MAP2: variants seen among roughly 807,000 people sequenced by gnomAD.
The protein encoded by MAP2 is microtubule associated protein 2.
A neutral mutation model predicts 137.6 loss-of-function variants in MAP2; 14 were observed. The observed-to-expected ratio is 0.10, with a 90% CI of 0.07 to 0.16. The LOEUF (loss-of-function observed/expected upper bound fraction) is 0.16. Among genes scored for constraint, MAP2 ranks in the 10% least tolerant of loss-of-function variants. MAP2 has a pLI of 1.00. For synonymous variants in MAP2, 786 were observed against 782.3 expected (o/e 1.00, Z -0.08); for missense variants, 2,088 against 2,191.5 (o/e 0.95, Z 0.94).
At chr2:209,444,927 A>G (rs1487881861) in intron 1 of MAP2, among the ~76,000 whole-genome samples, 1 of 151,528 alleles carries the variant, frequency 6.6e-6, no homozygotes. Context: ...GCTTAAGTCA[A>G]GCTTTTTTGT....
At chr2:209,616,939 G>A (rs977346732) in intron 3 of MAP2, among the ~76,000 whole-genome samples, 1 of 152,166 alleles carries the variant, frequency 6.6e-6, no homozygotes, top group Non-Finnish European at 1.5e-5. Context: ...GACTAGGCGG[G>A]GGGACCCAGC....
At chr2:209,702,148 G>T (rs1490516136) in intron 11 of MAP2, among the ~76,000 whole-genome samples, 1 of 151,986 alleles carries the variant, frequency 6.6e-6, no homozygotes, top group Non-Finnish European at 1.5e-5. Flanking sequence ...TCCTCCTTTA[G>T]GTTGACATTA....
At chr2:209,425,575 A>G (rs1420588288) in intron 1 of MAP2, among the ~76,000 whole-genome samples, 2 of 152,194 alleles carry the variant, frequency 1.3e-5, no homozygotes, top group African/African-American at 4.8e-5. Context: ...TGTTAAAGGT[A>G]TAATTTATTT....
chr2:209,524,487 G>A (rs1011417853), intron 2 of MAP2, among the ~76,000 whole-genome samples: 17 of 151,652 alleles, frequency 1.1e-4, no homozygotes, highest in Admixed American at 2.6e-4. Context: ...TAGTAGCCTC[G>A]AAACATGAGA....
chr2:209,451,586 C>T (rs536060293), intron 1 of MAP2, among the ~76,000 whole-genome samples: 3 of 152,140 alleles, frequency 2.0e-5, no homozygotes, highest in Non-Finnish European at 2.9e-5. Context: ...AACATCCCTC[C>T]TTGGTTTCCG....
At chr2:209,729,810 TG>T (rs751314342) in intron 14 of MAP2, 39 bp from the exon 15 acceptor site, 1 of 1,368,994 alleles carries the variant, frequency 7.3e-7, no homozygotes, top group African/African-American at 1.4e-5. Context: ...TTACCACGAA[TG>T]CAAGATATAG....
intron 3 of MAP2, among the ~76,000 whole-genome samples, chr2:209,598,674 A>C (rs954543354): frequency 1.4e-5 from 2 of 146,418 alleles, no homozygotes; most frequent in Non-Finnish European, 3.0e-5. Context: ...TTCAATTCCC[A>C]CCTATGAGTG....
intron 3 of MAP2, among the ~76,000 whole-genome samples, chr2:209,588,886 A>C (rs952116955): frequency 6.6e-6 from 1 of 152,162 alleles, no homozygotes; most frequent in Non-Finnish European, 1.5e-5. Flanking sequence ...GAAATATGAG[A>C]TCTAACAATC....
intron 2 of MAP2, among the ~76,000 whole-genome samples, chr2:209,518,694 T>G (rs1227455423): frequency 1.3e-5 from 2 of 152,120 alleles, no homozygotes; most frequent in Non-Finnish European, 2.9e-5. Flanking sequence ...TCATTCTCTC[T>G]TCATGCACAC....
At chr2:209,447,035 C>A (rs1699237397) in intron 1 of MAP2, among the ~76,000 whole-genome samples, 1 of 151,942 alleles carries the variant, frequency 6.6e-6, no homozygotes, top group Non-Finnish European at 1.5e-5. Context: ...CAGCTTGCCA[C>A]AACCCACATC....
rs529159572 is a variant in MAP2 at position 209,448,421 on chromosome 2, C to G, written c.-222+24145C>G. Among the ~76,000 whole-genome samples, 11 of 152,206 alleles carry G rather than the reference C, an allele frequency of 7.2e-5. No homozygotes were observed. In the South Asian group the frequency reaches 2.3e-3, roughly 32 times the overall value. ...CCCAAGGATTAACAGAACAACATAC[C>G]TGGACTACATACTAGGACTAAAGAG... On this transcript the variant is annotated intron_variant, in intron 1 of 15. Coordinates refer to ENST00000682079, the MANE Select transcript of MAP2 (RefSeq NM_001375505.1).
chr2:209,718,516 A>G (rs1271158952), intron 13 of MAP2, among the ~76,000 whole-genome samples: 1 of 152,030 alleles, frequency 6.6e-6, no homozygotes, highest in Non-Finnish European at 1.5e-5. Context: ...GACCATTTAC[A>G]AATACGTAAA....
chr2:209,528,500 CT>C (rs71395558), intron 2 of MAP2, among the ~76,000 whole-genome samples: 2,328 of 152,134 alleles, frequency 0.015, 40 homozygotes, highest in South Asian at 0.07. Flanking sequence ...AAAACCACTT[CT>C]GTCATTTATG....
chr2:209,706,535 C>T (rs1414249875), intron 12 of MAP2, among the ~76,000 whole-genome samples: 1 of 150,928 alleles, frequency 6.6e-6, no homozygotes, highest in Non-Finnish European at 1.5e-5. Flanking sequence ...GTAACTTGTC[C>T]AGTTACCCTC....
At chr2:209,677,992 G>A (rs1251432960) in intron 5 of MAP2, among the ~76,000 whole-genome samples, 1 of 151,670 alleles carries the variant, frequency 6.6e-6, no homozygotes. Context: ...TTAAATAATG[G>A]TATTTCTGCA....
rs777122773 is a variant in MAP2, at chr2:209,694,462, A to C, written c.2292A>C (p.Lys764Asn). 3 of 1,614,072 alleles carry C rather than the reference A, an allele frequency of 1.9e-6. No homozygotes were observed. The South Asian group carries it at 3.3e-5, about 18-fold the overall frequency. ...EKAPCFPVES[K>N]EEEQIEKVKA... ...CCCCTTGCTTCCCTGTAGAAAGCAA[A>C]GAGGAAGAACAGATAGAGAAAGTAA... is the stretch of plus-strand genomic sequence containing the variant. Residue 764 changes from lysine to asparagine, a missense_variant, in exon 8 of 16, where the codon AAA (lysine) becomes AAC (asparagine). By Grantham distance (94) the Lys-to-Asn change is moderately conservative (BLOSUM62 0). Around this residue, in one of 6 missense-constraint regions of MAP2, gnomAD observed 500 missense variants for 482.9 expected, o/e 1.04. Transcript: ENST00000682079.
chr2:209,594,226 T>C (rs923712408), intron 3 of MAP2, among the ~76,000 whole-genome samples: 1 of 149,684 alleles, frequency 6.7e-6, no homozygotes, highest in African/African-American at 2.4e-5. Flanking sequence ...TCTTTGCACA[T>C]CCACCATGTG....
intron 1 of MAP2, among the ~76,000 whole-genome samples, chr2:209,469,431 A>G (rs956095411): frequency 6.6e-6 from 1 of 151,860 alleles, no homozygotes; most frequent in African/African-American, 2.4e-5. Context: ...ATTTTTTTTT[A>G]TATTTTACTT....
At position 209,723,500 on chromosome 2, in the gene MAP2, A is replaced by G. The variant is rs1208442778; in HGVS notation, c.5074-2209A>G. The G allele has an allele frequency of 8.2e-6, 6 of 730,750 alleles. No homozygotes were observed. The Admixed American group carries it at 9.9e-5, about 12-fold the overall frequency. The allele number at this position is 730,750 out of a possible 1,614,324, so 45.3% of individuals were successfully genotyped here. A position where few individuals can be genotyped will look rare whatever the true frequency, so the allele number is the denominator to read the frequency against. ...TTAAATAAATGTGTAGGTGGAAGGG[A>G]ATCTAAAGCCTCTTTGATGCTACCC... On this transcript the variant is annotated intron_variant, in intron 13 of 15. Coordinates refer to ENST00000682079, the MANE Select transcript of MAP2 (RefSeq NM_001375505.1).
Sources: allele counts gnomAD v4.1 joint callset (sites outside exome capture counted in the v4.1 genomes callset), GRCh38; gene constraint gnomAD v4.1.1; regional missense constraint gnomAD v4.1.1; transcripts MANE v1.5; gene names NCBI Gene and HGNC (gene_info 2026-07-23, HGNC 2026-07-21).